The following CDH12 variants were observed in gnomAD, a reference collection of about 807,000 sequenced individuals.
CDH12 encodes cadherin 12.
Under a neutral mutation model 74.1 loss-of-function variants are expected in CDH12, and 41 were observed. The ratio of observed to expected loss-of-function variants is 0.55; its 90% CI spans 0.43 to 0.72. CDH12 has a LOEUF of 0.72. CDH12 is among the 30% of genes least tolerant of loss of function. CDH12 has a pLI of 0.00. For missense variants in CDH12, 945 were observed against 977.2 expected (o/e 0.97, Z 0.44); for synonymous variants, 399 against 355.0 (o/e 1.12, Z -1.39).
chr5:22,393,103 A>G (rs1440853244), intron 3 of CDH12, among the ~76,000 whole-genome samples: 1 of 152,204 alleles, frequency 6.6e-6, no homozygotes, highest in Non-Finnish European at 1.5e-5. Flanking sequence ...CAGAATTAAC[A>G]AAGTTAAAAT....
intron 11 of CDH12, 45 bp from the exon 12 acceptor site, chr5:21,765,144 C>A: frequency 1.4e-6 from 2 of 1,440,880 alleles, no homozygotes; most frequent in South Asian, 3.1e-5. Context: ...AAAATCCGGT[C>A]AGTTATTGCT....
chr5:22,246,802 C>T (rs1249238080), intron 3 of CDH12, among the ~76,000 whole-genome samples: 2 of 152,018 alleles, frequency 1.3e-5, no homozygotes, highest in African/African-American at 4.8e-5. Flanking sequence ...GATGTAGTTA[C>T]TTTTATCTAG....
chr5:22,202,079 T>A (rs1327917939), intron 4 of CDH12, among the ~76,000 whole-genome samples: 2 of 151,814 alleles, frequency 1.3e-5, no homozygotes, highest in Admixed American at 1.3e-4. Flanking sequence ...GAGGCGAGAT[T>A]AGGGAATGCA....
intron 3 of CDH12, among the ~76,000 whole-genome samples, chr5:22,323,104 G>C (rs1386385808): frequency 2.0e-5 from 3 of 152,032 alleles, no homozygotes; most frequent in Non-Finnish European, 4.4e-5. Flanking sequence ...ATCAGCAATG[G>C]CACAATGATT....
intron 1 of CDH12, among the ~76,000 whole-genome samples, chr5:22,510,998 A>G (rs953887902): frequency 6.6e-6 from 1 of 151,810 alleles, no homozygotes; most frequent in African/African-American, 2.4e-5. Flanking sequence ...GGGTTCAAGC[A>G]ATTCTCCTGC....
chr5:21,934,954 T>C (rs1222325464), intron 6 of CDH12, among the ~76,000 whole-genome samples: 1 of 152,072 alleles, frequency 6.6e-6, no homozygotes, highest in African/African-American at 2.4e-5. Context: ...GCCCGGCTAA[T>C]TTTTTGTTTT....
chr5:21,813,992 A>G (rs1250055946), intron 9 of CDH12, among the ~76,000 whole-genome samples: 3 of 152,248 alleles, frequency 2.0e-5, no homozygotes, highest in South Asian at 2.1e-4. Context: ...TCACTGCCCT[A>G]TCTCCATAGT....
intron 1 of CDH12, among the ~76,000 whole-genome samples, chr5:22,714,048 T>G (rs2126978878): frequency 6.6e-6 from 1 of 152,322 alleles, no homozygotes; most frequent in South Asian, 2.1e-4. Flanking sequence ...CTTTTATTTT[T>G]ACTCCTCAAT....
chr5:22,153,393 TG>T (rs931686550), intron 4 of CDH12, among the ~76,000 whole-genome samples: 2 of 151,786 alleles, frequency 1.3e-5, no homozygotes, highest in African/African-American at 4.8e-5. Context: ...TGATTTCCCA[TG>T]TATTATCTAG....
chr5:22,361,454 T>A (rs962898186), intron 3 of CDH12, among the ~76,000 whole-genome samples: 3 of 152,094 alleles, frequency 2.0e-5, no homozygotes, highest in African/African-American at 7.2e-5. Flanking sequence ...GGAAGAACAT[T>A]CCATGCTCAT....
chr5:22,105,261 T>TA (rs1744364498), intron 4 of CDH12, among the ~76,000 whole-genome samples: 1 of 151,156 alleles, frequency 6.6e-6, no homozygotes, highest in South Asian at 2.1e-4. Context: ...CCAGCTAATT[T>TA]TTTTTATATT....
intron 4 of CDH12, among the ~76,000 whole-genome samples, chr5:22,088,006 T>G (rs1743181009): frequency 6.6e-6 from 1 of 152,162 alleles, no homozygotes; most frequent in Non-Finnish European, 1.5e-5. Flanking sequence ...TACCCCTGTG[T>G]GATCTTTCTG....
At chr5:22,792,746 G>C (rs1332930446) in intron 1 of CDH12, among the ~76,000 whole-genome samples, 1 of 152,182 alleles carries the variant, frequency 6.6e-6, no homozygotes, top group African/African-American at 2.4e-5. Flanking sequence ...CTCTGACCAA[G>C]TGTGGTCAGG....
chr5:22,038,102 CT>C (rs1739310118), intron 5 of CDH12, among the ~76,000 whole-genome samples: 1 of 152,180 alleles, frequency 6.6e-6, no homozygotes, highest in South Asian at 2.1e-4. Flanking sequence ...ACACTGTGCC[CT>C]ACCCCCTGAG....
chr5:21,843,469 C>T (rs1340136912), intron 7 of CDH12, among the ~76,000 whole-genome samples: 1 of 151,878 alleles, frequency 6.6e-6, no homozygotes, highest in Non-Finnish European at 1.5e-5. Flanking sequence ...AAAAAAAAGA[C>T]AGCCTTCATT....
At chr5:22,625,626 T>C (rs772277554) in intron 1 of CDH12, among the ~76,000 whole-genome samples, 3 of 152,174 alleles carry the variant, frequency 2.0e-5, no homozygotes, top group Non-Finnish European at 4.4e-5. Context: ...GGACAGAGCA[T>C]GGCCGTCTTG....
chr5:22,432,628 T>C (rs1309105751), intron 2 of CDH12, among the ~76,000 whole-genome samples: 2 of 152,034 alleles, frequency 1.3e-5, no homozygotes, highest in East Asian at 1.9e-4. Context: ...TTATCAAAGA[T>C]TGTAATCTTC....
chr5:22,326,387 A>T (rs7714339), intron 3 of CDH12, among the ~76,000 whole-genome samples: 6 of 151,238 alleles, frequency 4.0e-5, no homozygotes, highest in Admixed American at 4.0e-4. Flanking sequence ...AGGCACCCGC[A>T]ACCACGCCGG....
intron 1 of CDH12, among the ~76,000 whole-genome samples, chr5:22,754,193 C>G (rs913558175): frequency 1.3e-5 from 2 of 152,156 alleles, no homozygotes; most frequent in Admixed American, 6.5e-5. Flanking sequence ...AAAATACCAG[C>G]AAGCAACTTG....
Sources: gnomAD v4.1 joint callset for allele counts (sites outside exome capture counted in the v4.1 genomes callset) on GRCh38, gnomAD v4.1.1 for gene constraint, MANE v1.5 for transcripts, NCBI Gene and HGNC (gene_info 2026-07-23, HGNC 2026-07-21) for gene names.